Variants in SORBS2 observed in about 807,000 individuals in gnomAD.
SORBS2 encodes the protein sorbin and SH3 domain-containing protein 2.
SORBS2 carries 46 observed loss-of-function variants against 97.7 expected under a neutral mutation model. That is an observed-to-expected ratio of 0.47 (90% CI 0.37 to 0.60). SORBS2 has a LOEUF of 0.60. Among genes scored for constraint, SORBS2 ranks in the 20% least tolerant of loss-of-function variants. SORBS2 has a pLI of 0.00. For synonymous variants in SORBS2, 476 were observed against 473.4 expected (o/e 1.01, Z -0.07); for missense variants, 1,316 against 1,282.3 (o/e 1.03, Z -0.40).
At chr4:185,889,474 A>G (rs1347266939) in intron 1 of SORBS2, among the ~76,000 whole-genome samples, 2 of 151,772 alleles carry the variant, frequency 1.3e-5, no homozygotes, top group East Asian at 3.9e-4. Flanking sequence ...GTGATTTCAT[A>G]GTTATGAAGT....
intron 1 of SORBS2, among the ~76,000 whole-genome samples, chr4:185,793,066 A>G (rs56306516): frequency 0.19 from 28,814 of 152,216 alleles, 2,941 homozygotes; most frequent in Middle Eastern, 0.29. Flanking sequence ...AATGGTGGCC[A>G]TTATTATTAT....
chr4:185,892,055 G>T (rs760063185), intron 1 of SORBS2, among the ~76,000 whole-genome samples: 1 of 152,030 alleles, frequency 6.6e-6, no homozygotes, highest in Admixed American at 6.6e-5. Flanking sequence ...GGATGGTCTC[G>T]ATCTCCTGAC....
At chr4:185,665,268 A>G (rs2097579833) in intron 4 of SORBS2, among the ~76,000 whole-genome samples, 1 of 152,234 alleles carries the variant, frequency 6.6e-6, no homozygotes, top group African/African-American at 2.4e-5. Flanking sequence ...AACAAGAAAA[A>G]TTAGCCTCAT....
chr4:185,828,809 G>A (rs182816326), intron 1 of SORBS2, among the ~76,000 whole-genome samples: 47 of 152,194 alleles, frequency 3.1e-4, no homozygotes, highest in Non-Finnish European at 5.9e-4. Context: ...CAGGTCAGGC[G>A]ATTCAAGTCA....
intron 2 of SORBS2, chr4:185,651,806 A>ACTCC: frequency 6.7e-7 from 1 of 1,501,204 alleles, no homozygotes; most frequent in South Asian, 1.1e-5. Context: ...TATAAGGAGT[A>ACTCC]TTATACATGT....
At chr4:185,609,988 C>T (rs1197556768) in intron 12 of SORBS2, among the ~76,000 whole-genome samples, 2 of 152,128 alleles carry the variant, frequency 1.3e-5, no homozygotes, top group African/African-American at 4.8e-5. Flanking sequence ...ATTTTTTCCC[C>T]AGCAGTGAGC....
At chr4:185,939,982 G>A (rs2099271049) in intron 1 of SORBS2, among the ~76,000 whole-genome samples, 1 of 152,172 alleles carries the variant, frequency 6.6e-6, no homozygotes, top group Non-Finnish European at 1.5e-5. Flanking sequence ...GGTAGCATTT[G>A]ACCCAGATGA....
chr4:185,755,700 T>C (rs1243821291), intron 2 of SORBS2, among the ~76,000 whole-genome samples: 1 of 152,216 alleles, frequency 6.6e-6, no homozygotes, highest in African/African-American at 2.4e-5. Flanking sequence ...CCACAAAGGC[T>C]AAAGGTCTCA....
intron 1 of SORBS2, among the ~76,000 whole-genome samples, chr4:185,801,666 A>ATCTCTC (rs59944716): frequency 1.9e-4 from 19 of 98,294 alleles, no homozygotes; most frequent in African/African-American, 4.5e-4. Flanking sequence ...TAACTGAATC[A>ATCTCTC]TCTCTCTCTC....
intron 12 of SORBS2, among the ~76,000 whole-genome samples, chr4:185,608,631 T>A (rs565407318): frequency 6.6e-6 from 1 of 152,228 alleles, no homozygotes; most frequent in Non-Finnish European, 1.5e-5. Context: ...ACACCCCATA[T>A]GTACCCATAA....
chr4:185,650,775 G>A (rs911479017), intron 2 of SORBS2, among the ~76,000 whole-genome samples: 2 of 152,052 alleles, frequency 1.3e-5, no homozygotes, highest in South Asian at 2.1e-4. Context: ...TTTGGTGGGC[G>A]TGGGAGCAGG....
At chr4:185,665,869 G>C in intron 4 of SORBS2, 5 of 1,181,248 alleles carry the variant, frequency 4.2e-6, no homozygotes, top group Non-Finnish European at 5.3e-6. Flanking sequence ...GGCTGTGGAG[G>C]ACTCACTCTC....
At chr4:185,677,588 G>C (rs1443065943) in intron 4 of SORBS2, 1 of 1,537,166 alleles carries the variant, frequency 6.5e-7, no homozygotes, top group South Asian at 1.2e-5. Context: ...TTGTGTGACT[G>C]GTTATCAAAG....
intron 12 of SORBS2, among the ~76,000 whole-genome samples, chr4:185,610,370 T>A (rs969588523): frequency 5.3e-5 from 8 of 152,154 alleles, no homozygotes; most frequent in African/African-American, 1.4e-4. Flanking sequence ...AGGATGCTGA[T>A]CTGTAAATGC....
chr4:185,865,518 A>T (rs1480891119), intron 1 of SORBS2, among the ~76,000 whole-genome samples: 2 of 152,222 alleles, frequency 1.3e-5, no homozygotes, highest in African/African-American at 2.4e-5. Flanking sequence ...AAATAAGAAC[A>T]AAACCTGAAA....
At chr4:185,646,456 CAT>C (rs1561640713) in intron 4 of SORBS2, 12 of 484,024 alleles carry the variant, frequency 2.5e-5, no homozygotes, top group Admixed American at 6.9e-5. Context: ...TACACACACA[CAT>C]ACACTTGTAT....
chr4:185,724,878 C>T (rs1369128762), intron 2 of SORBS2, among the ~76,000 whole-genome samples: 2 of 152,142 alleles, frequency 1.3e-5, no homozygotes, highest in Admixed American at 6.5e-5. Flanking sequence ...AAACACTTTC[C>T]TTGAGCAATG....
At chr4:185,844,654 C>T (rs749292213) in intron 1 of SORBS2, among the ~76,000 whole-genome samples, 7 of 152,028 alleles carry the variant, frequency 4.6e-5, no homozygotes, top group Admixed American at 2.6e-4. Flanking sequence ...ACTTGTACAC[C>T]GATGCTCACA....
At chr4:185,718,655 A>G (rs551431667) in intron 2 of SORBS2, among the ~76,000 whole-genome samples, 1 of 152,332 alleles carries the variant, frequency 6.6e-6, no homozygotes, top group South Asian at 2.1e-4. Context: ...TATTCCACTT[A>G]GAAGTCTGAG....
Sources: gnomAD v4.1 joint callset for allele counts (sites outside exome capture counted in the v4.1 genomes callset) on GRCh38, gnomAD v4.1.1 for gene constraint, MANE v1.5 for transcripts, NCBI Gene and HGNC (gene_info 2026-07-23, HGNC 2026-07-21) for gene names.